RBFOX1: variants seen among roughly 807,000 people sequenced by gnomAD.
RBFOX1 encodes the protein RNA binding protein fox-1 homolog 1.
A neutral mutation model predicts 57.7 loss-of-function variants in RBFOX1; 8 were observed. The observed-to-expected ratio is 0.14, with a 90% CI of 0.08 to 0.25. RBFOX1 has a LOEUF of 0.25. Ranked by LOEUF, RBFOX1 falls within the 10% of genes least tolerant of loss-of-function variation. RBFOX1 has a pLI of 1.00. For synonymous variants in RBFOX1, 326 were observed against 222.4 expected (o/e 1.47, Z -4.15); for missense variants, 611 against 548.5 (o/e 1.11, Z -1.14).
At chr16:7,102,864 T>C (rs11640267) in intron 4 of RBFOX1, among the ~76,000 whole-genome samples, 95,067 of 151,900 alleles carry the variant, frequency 0.63, 29,990 homozygotes, top group South Asian at 0.7. Context: ...ATTTTTCAAA[T>C]CCAAAACGCA....
At chr16:7,530,783 C>T (rs752616526) in intron 5 of RBFOX1, among the ~76,000 whole-genome samples, 1 of 152,160 alleles carries the variant, frequency 6.6e-6, no homozygotes, top group Non-Finnish European at 1.5e-5. Context: ...TGGCTTCTGC[C>T]CCTGGTAGAA....
intron 4 of RBFOX1, among the ~76,000 whole-genome samples, chr16:7,158,867 G>C (rs1015609642): frequency 2.6e-5 from 4 of 151,982 alleles, no homozygotes; most frequent in Non-Finnish European, 4.4e-5. Context: ...GTGTGTGTAT[G>C]GTTTCTGTGG....
In RBFOX1 at chr16:6,812,845, G is replaced by C. The variant is rs531663745; in HGVS notation, c.-16+158195G>C. Reference sequence around the variant, plus strand: ...GCATACAGCAGTACCATAGAAGATGGAGCACTTAGAAATGGTGGGAAGCCC... The same window carrying C: ...GCATACAGCAGTACCATAGAAGATGCAGCACTTAGAAATGGTGGGAAGCCC... On this transcript the variant is annotated intron_variant, in intron 3 of 15. Coordinates refer to ENST00000550418, the MANE Select transcript of RBFOX1 (RefSeq NM_018723.4). 3.3e-5 allele frequency among the ~76,000 whole-genome samples: 5 copies of C among 152,242 alleles called. No individual in the cohort carries two copies. The East Asian group carries it at 9.7e-4, about 29-fold the overall frequency.
At chr16:5,992,244 T>G (rs935533720) in intron 4 of RBFOX1, among the ~76,000 whole-genome samples, 1 of 152,172 alleles carries the variant, frequency 6.6e-6, no homozygotes, top group African/African-American at 2.4e-5. Context: ...TTCAAGTTCT[T>G]TAGAAGATTG....
intron 3 of RBFOX1, among the ~76,000 whole-genome samples, chr16:5,845,710 A>G (rs981932106): frequency 2.0e-5 from 3 of 152,246 alleles, no homozygotes; most frequent in African/African-American, 7.2e-5. Flanking sequence ...AGTTCTCAAT[A>G]ACACTGGATA....
At chr16:6,040,734 A>ACAGG (rs1208603084) in intron 1 of RBFOX1, among the ~76,000 whole-genome samples, 1 of 152,110 alleles carries the variant, frequency 6.6e-6, no homozygotes, top group African/African-American at 2.4e-5. Context: ...AGCTGGGATT[A>ACAGG]CAGGCACCCA....
At chr16:7,699,535 T>C (rs555392353) in intron 14 of RBFOX1, among the ~76,000 whole-genome samples, 4 of 152,224 alleles carry the variant, frequency 2.6e-5, no homozygotes, top group Admixed American at 6.5e-5. Context: ...ACAATAGGAC[T>C]TGCTAAAGTT....
At chr16:7,689,067 C>A (rs992652391) in intron 14 of RBFOX1, among the ~76,000 whole-genome samples, 1 of 151,942 alleles carries the variant, frequency 6.6e-6, no homozygotes, top group Non-Finnish European at 1.5e-5. Flanking sequence ...GCCTCAGTTT[C>A]GTCATCTACA....
intron 4 of RBFOX1, among the ~76,000 whole-genome samples, chr16:7,152,787 A>C (rs1317379856): frequency 6.6e-6 from 1 of 152,218 alleles, no homozygotes; most frequent in Non-Finnish European, 1.5e-5. Context: ...TTTTATGTCT[A>C]AGCATGGTGG....
chr16:5,322,674 G>A lies in RBFOX1; in HGVS notation c.219+82569G>A, dbSNP rs184298666. 4.5e-3 allele frequency among the ~76,000 whole-genome samples: 688 copies of A among 152,208 alleles called. 10 individuals are homozygous for A. The highest frequency in any genetic ancestry group is 6.8e-3 in the Middle Eastern group (2 of 294). On this transcript the variant is annotated intron_variant, in intron 1 of 2. Coordinates refer to the RBFOX1 transcript ENST00000585867. The stretch of plus-strand genomic sequence containing the variant: ...CTTCAAGGGTCAGCTCAAATCCCGT[G>A]GTTCCTATGACACCTCCCCCAGTAA...
At chr16:6,864,995 CTTTTTTTTTTT>C (rs34341448) in intron 3 of RBFOX1, among the ~76,000 whole-genome samples, 9 of 82,566 alleles carry the variant, frequency 1.1e-4, no homozygotes, top group Non-Finnish European at 1.7e-4. Context: ...TTTTCTTTTT[CTTTTTTTTTTT>C]TTTTTTTTTT....
At chr16:5,281,862 A>G (rs753986811) in intron 1 of RBFOX1, among the ~76,000 whole-genome samples, 2 of 152,162 alleles carry the variant, frequency 1.3e-5, no homozygotes, top group African/African-American at 4.8e-5. Context: ...ATCATTTTTT[A>G]TCCGTTAAGC....
chr16:7,677,132 TACACACAC>T (rs59379802), intron 14 of RBFOX1, among the ~76,000 whole-genome samples: 5 of 137,858 alleles, frequency 3.6e-5, no homozygotes, highest in East Asian at 2.1e-4. Flanking sequence ...CACATACACA[TACACACAC>T]ACACACACAC....
chr16:6,301,405 G>A (rs911454974), intron 1 of RBFOX1, among the ~76,000 whole-genome samples: 4 of 152,148 alleles, frequency 2.6e-5, no homozygotes, highest in Non-Finnish European at 5.9e-5. Flanking sequence ...CTTATTAAGC[G>A]ATGCAGGTCT....
chr16:7,574,583 G>A (rs1232227899), intron 5 of RBFOX1, among the ~76,000 whole-genome samples: 1 of 152,138 alleles, frequency 6.6e-6, no homozygotes, highest in Non-Finnish European at 1.5e-5. Context: ...GTTGTAGGCT[G>A]GAAGACTCAG....
intron 3 of RBFOX1, among the ~76,000 whole-genome samples, chr16:7,009,584 C>T (rs2093549837): frequency 6.6e-6 from 1 of 152,070 alleles, no homozygotes; most frequent in Admixed American, 6.5e-5. Context: ...AGTAACGATG[C>T]CACATCCAGC....
At chr16:6,773,854 T>G (rs955173550) in intron 3 of RBFOX1, 2 of 567,774 alleles carry the variant, frequency 3.5e-6, no homozygotes, top group Non-Finnish European at 4.5e-6. Context: ...TGTGTATATA[T>G]GTGTGGATGT....
chr16:5,753,000 C>A (rs1041920199), intron 3 of RBFOX1, among the ~76,000 whole-genome samples: 1 of 151,894 alleles, frequency 6.6e-6, no homozygotes, highest in Non-Finnish European at 1.5e-5. Flanking sequence ...AGAAATAAAC[C>A]GTATTTTAAA....
At chr16:5,588,370 GA>G (rs201853054) in intron 2 of RBFOX1, among the ~76,000 whole-genome samples, 1 of 149,236 alleles carries the variant, frequency 6.7e-6, no homozygotes, top group Non-Finnish European at 1.5e-5. Context: ...ATAAAGTTTG[GA>G]AAAAAAAATG....
Sources: allele counts gnomAD v4.1 joint callset (sites outside exome capture counted in the v4.1 genomes callset), GRCh38; gene constraint gnomAD v4.1.1; transcripts MANE v1.5; gene names NCBI Gene and HGNC (gene_info 2026-07-23, HGNC 2026-07-21).